The following TANK variants were observed in gnomAD, a reference collection of about 807,000 sequenced individuals.
TANK encodes the protein TRAF family member-associated NF-kappa-B activator.
Under a neutral mutation model 43.6 loss-of-function variants are expected in TANK, and 15 were observed. The observed-to-expected ratio is 0.34, with a 90% confidence interval of 0.23 to 0.53. The LOEUF (loss-of-function observed/expected upper bound fraction) is 0.53. Among genes scored for constraint, TANK ranks in the 20% least tolerant of loss-of-function variants. TANK has a pLI of 0.94. For missense variants in TANK, 417 were observed against 498.6 expected (o/e 0.84, Z 1.56); for synonymous variants, 162 against 178.2 (o/e 0.91, Z 0.73).
chr2:161,149,414 A>T (rs977794507), intron 1 of TANK, among the ~76,000 whole-genome samples: 18 of 152,168 alleles, frequency 1.2e-4, no homozygotes, highest in Non-Finnish European at 2.4e-4. Context: ...CATATATAGG[A>T]TAATATCATC....
chr2:161,155,993 A>G, upstream of TANK: 1 of 942,832 alleles, frequency 1.1e-6, no homozygotes, highest in Non-Finnish European at 1.3e-6. Context: ...TAATATTGAA[A>G]TTTTTAACAA....
chr2:161,227,361 G>A (rs879121558), intron 6 of TANK, among the ~76,000 whole-genome samples: 4 of 152,100 alleles, frequency 2.6e-5, no homozygotes, highest in Admixed American at 2.0e-4. Context: ...CTGTCAATTT[G>A]GGGACTTCTC....
intron 4 of TANK, among the ~76,000 whole-genome samples, chr2:161,206,291 G>A (rs978352928): frequency 3.9e-5 from 6 of 152,060 alleles, no homozygotes; most frequent in African/African-American, 1.4e-4. Context: ...GAGATGAGTT[G>A]GCTTTTAGTG....
intron 2 of TANK, chr2:161,202,922 G>C (rs1239894576): frequency 2.2e-6 from 1 of 456,276 alleles, no homozygotes; most frequent in African/African-American, 2.0e-5. Context: ...TGGCATTTAA[G>C]ACACCAAAGG....
intron 1 of TANK, among the ~76,000 whole-genome samples, chr2:161,172,391 T>G (rs537928765): frequency 7.1e-4 from 106 of 149,802 alleles, no homozygotes; most frequent in African/African-American, 2.5e-3. Context: ...AAAACGATTT[T>G]GGCCTAATTG....
At chr2:161,227,192 T>C (rs1418255831) in intron 6 of TANK, 1 of 152,354 alleles carries the variant, frequency 6.6e-6, no homozygotes, top group African/African-American at 2.4e-5. Context: ...CTCTCACTGC[T>C]TGAGCAGATT....
At chr2:161,160,339 G>T, upstream of TANK, 1 of 953,666 alleles carries the variant, frequency 1.0e-6, no homozygotes. Flanking sequence ...AAGGGCCCTG[G>T]CCTTGTTGGG....
At chr2:161,170,681 C>T (rs528310149) in intron 1 of TANK, among the ~76,000 whole-genome samples, 16 of 152,214 alleles carry the variant, frequency 1.1e-4, no homozygotes, top group Admixed American at 7.2e-4. Context: ...TTAAAACCAC[C>T]GTGGATGATT....
At chr2:161,183,875 T>C (rs1377989552) in intron 2 of TANK, among the ~76,000 whole-genome samples, 23 of 151,936 alleles carry the variant, frequency 1.5e-4, no homozygotes, top group Admixed American at 1.5e-3. Flanking sequence ...AAATCATAAA[T>C]AAAATAGATA....
intron 4 of TANK, among the ~76,000 whole-genome samples, chr2:161,216,860 A>G (rs1687140486): frequency 6.6e-6 from 1 of 152,246 alleles, no homozygotes; most frequent in African/African-American, 2.4e-5. Flanking sequence ...ATGTAAACTG[A>G]AAGCTAAAAC....
intron 1 of TANK, chr2:161,161,499 TG>T: frequency 6.6e-7 from 1 of 1,515,236 alleles, no homozygotes; most frequent in South Asian, 1.2e-5. Flanking sequence ...TACAACTATG[TG>T]CAAAGCAGGA....
chr2:161,195,251 G>A (rs1463406330), intron 2 of TANK, among the ~76,000 whole-genome samples: 2 of 152,178 alleles, frequency 1.3e-5, no homozygotes, highest in Non-Finnish European at 2.9e-5. Context: ...AAACAGACAT[G>A]CTTGCTTCCT....
At chr2:161,188,843 T>G (rs539304396) in intron 2 of TANK, among the ~76,000 whole-genome samples, 1 of 152,328 alleles carries the variant, frequency 6.6e-6, no homozygotes, top group African/African-American at 2.4e-5. Context: ...AAGAGATGAT[T>G]AGGCCATGAG....
At chr2:161,216,684 C>T (rs1687132852) in intron 4 of TANK, among the ~76,000 whole-genome samples, 2 of 151,416 alleles carry the variant, frequency 1.3e-5, no homozygotes, top group Non-Finnish European at 2.9e-5. Flanking sequence ...TTCTCCTGCC[C>T]TAAGATTTTT....
upstream of TANK, chr2:161,156,154 G>T (rs1441482434): frequency 2.0e-6 from 2 of 985,238 alleles, no homozygotes; most frequent in African/African-American, 3.5e-5. Context: ...TCAGGAAGAA[G>T]TTGGGGCATA....
Position 161,151,626 on chromosome 2 carries a change from T to C in TANK, c.-50+14563T>C, listed in dbSNP as rs997756651. 2.6e-5 allele frequency among the ~76,000 whole-genome samples: 4 copies of C among 152,204 alleles called. No individual in the cohort carries two copies. In the East Asian group the frequency reaches 7.7e-4, roughly 29 times the overall value. On this transcript the variant is annotated intron_variant, in intron 1 of 7. Transcript: ENST00000259075. ...TTACTGTTTGCATGAAAAATCTTCTTCCATAATTTCACTTTAATCTATTGG... is the reference window on the plus strand; with the variant it reads ...TTACTGTTTGCATGAAAAATCTTCTCCCATAATTTCACTTTAATCTATTGG...
intron 4 of TANK, chr2:161,207,985 A>G (rs1447431799): frequency 3.5e-6 from 3 of 846,822 alleles, no homozygotes; most frequent in African/African-American, 1.8e-5. Flanking sequence ...AGCTTCTATA[A>G]TGAATTAGTA....
At chr2:161,188,095 T>C (rs981473412) in intron 2 of TANK, among the ~76,000 whole-genome samples, 17 of 152,092 alleles carry the variant, frequency 1.1e-4, no homozygotes, top group African/African-American at 3.6e-4. Context: ...AATGCATGTA[T>C]TGAAGAAGAG....
At chr2:161,161,610 A>G (rs1684440799) in intron 1 of TANK, 2 of 858,612 alleles carry the variant, frequency 2.3e-6, no homozygotes, top group Non-Finnish European at 3.4e-6. Flanking sequence ...TATGAAAATG[A>G]GATTATGCAT....
Sources: gnomAD v4.1 joint callset for allele counts (sites outside exome capture counted in the v4.1 genomes callset) on GRCh38, gnomAD v4.1.1 for gene constraint, MANE v1.5 for transcripts, NCBI Gene and HGNC (gene_info 2026-07-23, HGNC 2026-07-21) for gene names.